The following ASPSCR1 variants were observed in gnomAD, a reference collection of about 807,000 sequenced individuals.
The protein encoded by ASPSCR1 is tether containing UBX domain for GLUT4.
Under a neutral mutation model 68.9 loss-of-function variants are expected in ASPSCR1, and 55 were observed. The observed-to-expected ratio is 0.80, with a 90% CI of 0.64 to 1.00. The LOEUF is 1.00. ASPSCR1 is among the 50% of genes least tolerant of loss of function. The pLI is 0.00. For missense variants in ASPSCR1, 765 were observed against 762.2 expected, an observed-to-expected ratio of 1.00 and a Z score of -0.04; for synonymous variants, 352 against 332.6, an observed-to-expected ratio of 1.06 and a Z score of -0.63.
In ASPSCR1 at chr17:82,009,541, AAGG is replaced by A. The variant is rs765973338; in HGVS notation, c.1147_1149del (p.Glu383del). The A allele has an allele frequency of 2.8e-6, 4 of 1,418,466 alleles. No individual in the cohort carries two copies. The highest frequency in any genetic ancestry group is 3.7e-6 in the Non-Finnish European group (4 of 1,076,380). The allele number at this position is 1,418,466 out of a possible 1,614,324, so 87.9% of individuals were successfully genotyped here. On this transcript the variant is annotated inframe_deletion, in exon 9 of 16. Transcript: ENST00000306739. Reference sequence around the variant, plus strand: ...CAAGGCCTTCAGGGAGGCGCAGATAAAGGAGAAGCTGGAGCGCTACCCAAAGGT... The same window carrying A: ...CAAGGCCTTCAGGGAGGCGCAGATAAAGAAGCTGGAGCGCTACCCAAAGGT...
At chr17:82,016,589 C>G (rs978636467) in intron 13 of ASPSCR1, 62 bp downstream of exon 13, 2 of 1,543,936 alleles carry the variant, frequency 1.3e-6, no homozygotes, top group African/African-American at 2.7e-5. Context: ...GACCTCAGAG[C>G]CAGCTGCCCG....
chr17:82,001,827 C>G (rs9912553), intron 7 of ASPSCR1, among the ~76,000 whole-genome samples: 113,856 of 152,032 alleles, frequency 0.75, 43,418 homozygotes, highest in African/African-American at 0.87. Context: ...CTGCGGATGA[C>G]CCCCCTCACC....
chr17:81,977,888 C>A lies in ASPSCR1; in HGVS notation c.102+140C>A. 1.8e-6 allele frequency: 1 copy of A among 541,234 alleles called. No homozygotes were observed. Among genetic ancestry groups the A allele is most frequent in the South Asian group, 9.3e-5 (1 of 10,708 alleles). 33.5% of individuals were successfully genotyped at this position (541,234 alleles called of 1,614,324 possible). ...GCGGCCTCCTGAGCGGCGGCCCCGC[C>A]CCCTGCTCGCCGTCACCTGCGCTTC... On this transcript the variant is annotated intron_variant, in intron 1 of 15. Coordinates refer to ENST00000306739, the MANE Select transcript of ASPSCR1 (RefSeq NM_024083.4). The surrounding 1 kb of genome is among the most constrained non-coding windows in gnomAD (Gnocchi z 5.0).
At chr17:82,011,730 C>T (rs1472469268) in intron 11 of ASPSCR1, 125 bp downstream of exon 11, 6 of 1,039,024 alleles carry the variant, frequency 5.8e-6, no homozygotes, top group East Asian at 2.7e-5. Context: ...TGTGGCCTCC[C>T]GCCCAGGTGC....
At chr17:81,984,149 C>T (rs1377141674) in intron 3 of ASPSCR1, among the ~76,000 whole-genome samples, 1 of 152,158 alleles carries the variant, frequency 6.6e-6, no homozygotes, top group Non-Finnish European at 1.5e-5. Context: ...AGCCTCTGCG[C>T]CCCGCCCACG....
At chr17:81,993,990 A>G (rs2042254913) in intron 4 of ASPSCR1, among the ~76,000 whole-genome samples, 1 of 152,110 alleles carries the variant, frequency 6.6e-6, no homozygotes, top group African/African-American at 2.4e-5. Flanking sequence ...AGGCCTGAGA[A>G]GGGCTTTTGT....
chr17:81,994,920 C>A, intron 5 of ASPSCR1, 42 bp downstream of exon 5: 2 of 1,568,220 alleles, frequency 1.3e-6, no homozygotes, highest in Non-Finnish European at 1.7e-6. Context: ...CGCTCACTTT[C>A]AGCCCACTTT....
chr17:82,009,154 G>A lies in ASPSCR1; in HGVS notation c.1051G>A (p.Asp351Asn), dbSNP rs548281709. The A allele has an allele frequency of 6.8e-6, 11 of 1,610,720 alleles. No homozygotes were observed. The highest frequency in any genetic ancestry group is 5.5e-5 in the South Asian group (5 of 90,704). The stretch of plus-strand genomic sequence containing the variant: ...TGAGTTCTTTGAGCTGACGGTGGAC[G>A]ACGTGAGAAGACGCTTGGCCCAGCT... ...PDEFFELTVD[D>N]VRRRLAQLKS... The change falls in exon 8 of 16, where the codon GAC becomes AAC. Residue 351 changes from aspartate (D) to asparagine (N), a missense_variant. Physicochemically the swap from Asp to Asn is conservative, Grantham distance 23. Coordinates refer to ENST00000306739, the MANE Select transcript of ASPSCR1 (RefSeq NM_024083.4).
chr17:82,012,405 T>C, intron 12 of ASPSCR1, 122 bp downstream of exon 12: 1 of 1,214,080 alleles, frequency 8.2e-7, no homozygotes, highest in Non-Finnish European at 1.2e-6. Context: ...TAATAAAGCC[T>C]TTGAGAGCCG....
chr17:81,980,764 A>G (rs1277302728), intron 2 of ASPSCR1, among the ~76,000 whole-genome samples: 1 of 152,206 alleles, frequency 6.6e-6, no homozygotes, highest in East Asian at 1.9e-4. Flanking sequence ...GTATTCATGA[A>G]AGGAGAACTG....
intron 4 of ASPSCR1, among the ~76,000 whole-genome samples, chr17:81,991,631 G>C (rs1328896480): frequency 6.6e-6 from 1 of 152,220 alleles, no homozygotes; most frequent in Non-Finnish European, 1.5e-5. Context: ...GTCCATCCCT[G>C]TCTGGACCTG....
chr17:82,010,454 GGGAGGT>G (rs1489456721), intron 9 of ASPSCR1, among the ~76,000 whole-genome samples: 1 of 151,322 alleles, frequency 6.6e-6, no homozygotes, highest in East Asian at 2.0e-4. Context: ...GCGTGAACCC[GGGAGGT>G]GGAGCTTACA....
At chr17:81,981,667 C>G (rs1296196763) in intron 2 of ASPSCR1, among the ~76,000 whole-genome samples, 1 of 152,160 alleles carries the variant, frequency 6.6e-6, no homozygotes, top group Non-Finnish European at 1.5e-5. Flanking sequence ...GCATGAGTCA[C>G]TGTGCCTGGC....
chr17:82,003,246 G>T (rs1011238693), intron 7 of ASPSCR1, among the ~76,000 whole-genome samples: 3 of 152,242 alleles, frequency 2.0e-5, no homozygotes, highest in Non-Finnish European at 2.9e-5. Flanking sequence ...AGGGGTTTTA[G>T]ACCAGCCTGG....
At chr17:81,979,385 A>G in intron 2 of ASPSCR1, 146 bp downstream of exon 2, 5 of 839,936 alleles carry the variant, frequency 6.0e-6, no homozygotes. Context: ...AGGCCTTGGC[A>G]GGGCCACACT....
At chr17:82,009,914 CCTT>C (rs948144313) in intron 9 of ASPSCR1, 5 of 227,008 alleles carry the variant, frequency 2.2e-5, no homozygotes, top group African/African-American at 2.7e-5. Context: ...TAGAATGAAA[CCTT>C]TTTTTTTTTT....
At chr17:82,017,242 T>TGGTGGGCG in intron 15 of ASPSCR1, 67 bp from the exon 16 acceptor site, 1 of 1,603,252 alleles carries the variant, frequency 6.2e-7, no homozygotes, top group Non-Finnish European at 8.5e-7. Context: ...TCAGCCGGGC[T>TGGTGGGCG]GGTGGGCGGG....
intron 7 of ASPSCR1, chr17:82,008,809 G>T: frequency 2.0e-6 from 1 of 498,004 alleles, no homozygotes; most frequent in Non-Finnish European, 3.4e-6. Context: ...CTGACTGGGA[G>T]AGGGGGGTCT....
intron 3 of ASPSCR1, among the ~76,000 whole-genome samples, chr17:81,985,067 C>G (rs1435069590): frequency 6.8e-6 from 1 of 147,054 alleles, no homozygotes; most frequent in African/African-American, 2.5e-5. Flanking sequence ...CCCACGCACA[C>G]ACCTGTACAC....
Sources: allele counts gnomAD v4.1 joint callset (sites outside exome capture counted in the v4.1 genomes callset), GRCh38; gene constraint gnomAD v4.1.1; non-coding constraint Gnocchi (gnomAD v3.1); transcripts MANE v1.5; gene names NCBI Gene and HGNC (gene_info 2026-07-23, HGNC 2026-07-21).